CCDC122: variants seen among roughly 807,000 people sequenced by gnomAD.
CCDC122 encodes coiled-coil domain-containing protein 122.
CCDC122 carries 38 observed loss-of-function variants against 37.0 expected under a neutral mutation model. That is an observed-to-expected ratio of 1.03 (90% CI 0.79 to 1.35). The LOEUF is 1.35. CCDC122 is among the 40% of genes most tolerant of loss of function. The pLI, the probability that CCDC122 is intolerant of heterozygous loss-of-function variation, is 0.00. For synonymous variants in CCDC122, 83 were observed against 95.6 expected, an observed-to-expected ratio of 0.87 and a Z score of 0.77; for missense variants, 305 against 310.0, an observed-to-expected ratio of 0.98 and a Z score of 0.12.
intron 6 of CCDC122, among the ~76,000 whole-genome samples, chr13:43,848,084 T>G (rs542415993): frequency 6.6e-6 from 1 of 152,316 alleles, no homozygotes; most frequent in African/African-American, 2.4e-5. Flanking sequence ...CTCTGGGTTT[T>G]TCTCATAGGA....
chr13:43,835,653 A>C (rs989079007), downstream of CCDC122, among the ~76,000 whole-genome samples: 2 of 152,226 alleles, frequency 1.3e-5, no homozygotes, highest in Admixed American at 6.5e-5. Flanking sequence ...AAGTTTTTGA[A>C]TCTATAACTC....
intron 6 of CCDC122, 66 bp downstream of exon 6, chr13:43,858,715 T>C: frequency 2.7e-6 from 3 of 1,126,696 alleles, no homozygotes; most frequent in Non-Finnish European, 2.4e-6. Flanking sequence ...TATGGAAATA[T>C]GAATATAGTG....
Position 43,836,920 on chromosome 13 carries a change from T to A in CCDC122, c.*360A>T. The stretch of plus-strand genomic sequence containing the variant: ...ATTTTAAAAATCTTAACAATTTAAA[T>A]CAGTGAAAATTCGAGTGTTTTTTCC... On this transcript the variant is annotated 3_prime_UTR_variant, in exon 7 of 7. Transcript: ENST00000444614. 1 of 153,580 alleles carries A rather than the reference T, an allele frequency of 6.5e-6. No individual in the cohort carries two copies. The allele number at this position is 153,580 out of a possible 1,614,324, so 9.5% of individuals were successfully genotyped here. A position where few individuals can be genotyped will look rare whatever the true frequency, so the allele number is the denominator to read the frequency against.
intron 4 of CCDC122, among the ~76,000 whole-genome samples, chr13:43,866,822 C>A (rs1180258522): frequency 6.6e-6 from 1 of 152,032 alleles, no homozygotes; most frequent in African/African-American, 2.4e-5. Context: ...GTTCTAATAG[C>A]TTTTTATAGC....
chr13:43,831,381 C>T (rs994884552), downstream of CCDC122, among the ~76,000 whole-genome samples: 1 of 152,056 alleles, frequency 6.6e-6, no homozygotes, highest in African/African-American at 2.4e-5. Context: ...TGTAGGCTTG[C>T]TATATATTTT....
downstream of CCDC122, among the ~76,000 whole-genome samples, chr13:43,836,020 C>G (rs972841816): frequency 6.6e-6 from 1 of 152,152 alleles, no homozygotes; most frequent in African/African-American, 2.4e-5. Flanking sequence ...TTATTAATAT[C>G]AGGTTTTATA....
At chr13:43,877,904 T>A (rs1001155137) in intron 1 of CCDC122, 2 of 152,168 alleles carry the variant, frequency 1.3e-5, no homozygotes, top group Non-Finnish European at 2.9e-5. Flanking sequence ...ATTAATTATT[T>A]TTTTTTTCAG....
chr13:43,846,081 C>CT (rs200622527), intron 6 of CCDC122, among the ~76,000 whole-genome samples: 12,403 of 148,392 alleles, frequency 0.084, 591 homozygotes, highest in African/African-American at 0.1. Flanking sequence ...TTTCTTTTTT[C>CT]TTTTTTTTTT....
rs149890467 is a variant in CCDC122 at position 43,859,954 on chromosome 13, A to G, written c.273T>C (p.Asp91=). 4.8e-5 allele frequency: 78 copies of G among 1,611,018 alleles called. No homozygotes were observed. The highest frequency in any genetic ancestry group is 6.4e-5 in the Non-Finnish European group (75 of 1,178,720). The change falls in exon 5 of 7, where the codon GAT becomes GAC. Residue 91 remains aspartate (D), a synonymous_variant. Transcript: ENST00000444614. ...SAIENTKLHC[D]SLETQIKSLH... ...AGGATTTGATTTGAGTTTCCAGGCTATCACAATGAAGTTTGGTATTCTCTA... is the reference window on the plus strand; with the variant it reads ...AGGATTTGATTTGAGTTTCCAGGCTGTCACAATGAAGTTTGGTATTCTCTA...
At chr13:43,839,860 A>C (rs931848060) in intron 6 of CCDC122, among the ~76,000 whole-genome samples, 1 of 152,218 alleles carries the variant, frequency 6.6e-6, no homozygotes, top group African/African-American at 2.4e-5. Context: ...ATGATTCGCA[A>C]ACTGGACAGA....
At position 43,858,900 on chromosome 13, in the gene CCDC122, G is replaced by A. The variant is rs1433427936; in HGVS notation, c.556-3C>T. On this transcript the variant is annotated splice_region_variant and splice_polypyrimidine_tract_variant and intron_variant, in intron 5 of 6. Transcript: ENST00000444614. The stretch of plus-strand genomic sequence containing the variant: ...TCCTTTAAGTTTGTAATGTCTTCCT[G>A]TATGTTGACAACATTTGAAATATAG... 1 of 1,389,400 alleles carries A rather than the reference G, an allele frequency of 7.2e-7. No individual in the cohort carries two copies. Among genetic ancestry groups the A allele is most frequent in the Admixed American group, 2.6e-5 (1 of 38,694 alleles). The allele number at this position is 1,389,400 out of a possible 1,614,324, so 86.1% of individuals were successfully genotyped here.
chr13:43,837,777 G>T (rs556756050), intron 6 of CCDC122, among the ~76,000 whole-genome samples: 35 of 152,176 alleles, frequency 2.3e-4, no homozygotes, highest in Non-Finnish European at 4.7e-4. Flanking sequence ...GTTAGCAGAA[G>T]TGAAATATCC....
chr13:43,828,371 T>A (rs1953058800), intron 3 of CCDC122, among the ~76,000 whole-genome samples: 1 of 152,202 alleles, frequency 6.6e-6, no homozygotes, highest in South Asian at 2.1e-4. Context: ...TGAATGAGAA[T>A]ATCCATGAGA....
At chr13:43,866,096 C>T (rs1356373082) in intron 4 of CCDC122, among the ~76,000 whole-genome samples, 2 of 152,184 alleles carry the variant, frequency 1.3e-5, no homozygotes, top group African/African-American at 4.8e-5. Context: ...GGACGACTCA[C>T]ATCCCAGGCA....
At chr13:43,877,646 G>C (rs556351899) in intron 1 of CCDC122, 1 of 152,220 alleles carries the variant, frequency 6.6e-6, no homozygotes, top group South Asian at 2.1e-4. Context: ...GTAGCAGTTA[G>C]GCATATAAAA....
chr13:43,852,680 A>G (rs1365192552), intron 6 of CCDC122, among the ~76,000 whole-genome samples: 10 of 151,976 alleles, frequency 6.6e-5, no homozygotes, highest in African/African-American at 2.4e-4. Flanking sequence ...CAAGATGCAT[A>G]ATTTTCAGAT....
rs573434891 is a variant in CCDC122, at chr13:43,866,117, G to A, written c.156+2577C>T. The stretch of plus-strand genomic sequence containing the variant: ...CTCACATCCCAGGCAGGATGGAGCA[G>A]GACAATGCGAGATTTCATCATGCTA... On this transcript the variant is annotated intron_variant, in intron 4 of 6. Coordinates refer to ENST00000444614, the MANE Select transcript of CCDC122 (RefSeq NM_144974.5). 3.3e-5 allele frequency among the ~76,000 whole-genome samples: 5 copies of A among 152,266 alleles called. No individual in the cohort carries two copies. The South Asian group carries it at 8.3e-4, about 25-fold the overall frequency.
At chr13:43,835,708 T>C (rs1381822175), downstream of CCDC122, among the ~76,000 whole-genome samples, 1 of 152,230 alleles carries the variant, frequency 6.6e-6, no homozygotes, top group Non-Finnish European at 1.5e-5. Context: ...ATATAAACTT[T>C]AAAACACTTT....
intron 6 of CCDC122, among the ~76,000 whole-genome samples, chr13:43,839,771 A>G (rs1399838146): frequency 6.6e-6 from 1 of 152,144 alleles, no homozygotes; most frequent in Non-Finnish European, 1.5e-5. Flanking sequence ...AATACTTATT[A>G]TCTATGTTTT....
Sources: allele counts gnomAD v4.1 joint callset (sites outside exome capture counted in the v4.1 genomes callset), GRCh38; gene constraint gnomAD v4.1.1; transcripts MANE v1.5; gene names NCBI Gene and HGNC (gene_info 2026-07-23, HGNC 2026-07-21).